Variants in ANKRD34C observed in about 807,000 individuals in gnomAD.
The protein encoded by ANKRD34C is ankyrin repeat domain-containing protein 34C.
For missense variants in ANKRD34C, 563 were observed against 653.0 expected (o/e 0.86, Z 1.50); for synonymous variants, 260 against 253.6 (o/e 1.03, Z -0.24).
chr15:79,292,091 A>G (rs1386842716), intron 1 of ANKRD34C, among the ~76,000 whole-genome samples: 1 of 152,268 alleles, frequency 6.6e-6, no homozygotes, highest in Non-Finnish European at 1.5e-5. Flanking sequence ...AAATAGCGTA[A>G]GAGAAAGAAT....
In ANKRD34C at chr15:79,293,856, T is replaced by C. The variant is rs1442137710; in HGVS notation, c.572T>C (p.Ile191Thr). 4 of 1,551,604 alleles carry C rather than the reference T, an allele frequency of 2.6e-6. No individual in the cohort carries two copies. The highest frequency in any genetic ancestry group is 1.4e-5 in the African/African-American group (1 of 73,056). Residue 191 changes from isoleucine to threonine, a missense_variant, in exon 2 of 2, where the codon ATA becomes ACA. Coordinates refer to ENST00000421388, the MANE Select transcript of ANKRD34C (RefSeq NM_001146341.2). ...CCACTGTGTGCGTCTCCCTCTGACA[T>C]AGAGCTGAAGGCTCTAGGCCTGGAC... Reference protein sequence around the residue: ...SPPLCASPSDIELKALGLDSP... With the variant: ...SPPLCASPSDTELKALGLDSP...
chr15:79,286,791 T>G (rs767790671), intron 1 of ANKRD34C, among the ~76,000 whole-genome samples: 32 of 152,180 alleles, frequency 2.1e-4, no homozygotes, highest in Non-Finnish European at 3.5e-4. Flanking sequence ...TGGTTCCCTA[T>G]GTCCACACAG....
chr15:79,283,232 AGC>A lies in ANKRD34C; in HGVS notation c.-45+7_-45+8del, dbSNP rs2058633588. On this transcript the variant is annotated splice_donor_5th_base_variant and intron_variant, in intron 1 of 1. Coordinates refer to ENST00000421388, the MANE Select transcript of ANKRD34C (RefSeq NM_001146341.2). ...GCTCGGCGATTGTCCCCACCAGGTA[AGC>A]GCACCCCCAGGGGTCTGCATTGGTC... Among the ~76,000 whole-genome samples the A allele has an allele frequency of 6.6e-6, 1 of 152,198 alleles. No homozygotes were observed. The highest frequency in any genetic ancestry group is 2.4e-5 in the African/African-American group (1 of 41,460).
At chr15:79,291,730 G>A (rs2058660398) in intron 1 of ANKRD34C, among the ~76,000 whole-genome samples, 3 of 152,128 alleles carry the variant, frequency 2.0e-5, no homozygotes, top group Admixed American at 1.3e-4. Flanking sequence ...GCCCTTGAAT[G>A]GTGGTAGTTT....
chr15:79,291,597 C>CAG lies in ANKRD34C; in HGVS notation c.-44-1643_-44-1642insGA, dbSNP rs1410785595. ...ACACACACACACACACACACACACACACACAGAGAGAGAGAGAGAGAGAGA... is the reference window on the plus strand; with the variant it reads ...ACACACACACACACACACACACACACAGACACAGAGAGAGAGAGAGAGAGAGA... On this transcript the variant is annotated intron_variant, in intron 1 of 1. Transcript: ENST00000421388. 1.1e-3 allele frequency among the ~76,000 whole-genome samples: 126 copies of CAG among 111,630 alleles called. 1 individual carries two copies. Among genetic ancestry groups the CAG allele is most frequent in the Admixed American group, 9.0e-3 (97 of 10,788 alleles). 73.2% of individuals were successfully genotyped at this position (111,630 alleles called of 152,430 possible).
In ANKRD34C at chr15:79,294,296, G is replaced by C; in HGVS notation, c.1012G>C (p.Ala338Pro). 6.4e-7 allele frequency: 1 copy of C among 1,551,680 alleles called. No individual in the cohort carries two copies. The highest frequency in any genetic ancestry group is 8.7e-7 in the Non-Finnish European group (1 of 1,147,000). ...SWKAAYEKGQ[A>P]PHPRLARRGT... ...GAAAGCAGCCTATGAGAAAGGTCAGGCTCCCCACCCACGTCTGGCCAGGAG... is the reference window on the plus strand; with the variant it reads ...GAAAGCAGCCTATGAGAAAGGTCAGCCTCCCCACCCACGTCTGGCCAGGAG... The change falls in exon 2 of 2, where the codon GCT becomes CCT. Residue 338 changes from alanine to proline, a missense_variant. Transcript: ENST00000421388.
intron 1 of ANKRD34C, among the ~76,000 whole-genome samples, chr15:79,284,941 A>G (rs1409871455): frequency 6.6e-6 from 1 of 152,252 alleles, no homozygotes; most frequent in East Asian, 1.9e-4. Flanking sequence ...TTAGACAAGT[A>G]CTATAAATAT....
At chr15:79,291,601 C>CACACACACAGAG (rs1429207880) in intron 1 of ANKRD34C, among the ~76,000 whole-genome samples, 23 of 84,000 alleles carry the variant, frequency 2.7e-4, no homozygotes, top group East Asian at 8.5e-4. Flanking sequence ...CACACACACA[C>CACACACACAGAG]AGAGAGAGAG....
rs2058632955 is a variant in ANKRD34C at position 79,283,080 on chromosome 15, C to T, written c.-193C>T. ...GGCCCGGGGTAGCCCCAGCTCCCGG[C>T]GCTGGTTCAGTCTGGCAGTGCCCTC... On this transcript the variant is annotated 5_prime_UTR_variant, in exon 1 of 2. Coordinates refer to ENST00000421388, the MANE Select transcript of ANKRD34C (RefSeq NM_001146341.2). Among the ~76,000 whole-genome samples, 2 of 152,218 alleles carry T rather than the reference C, an allele frequency of 1.3e-5. No homozygotes were observed. Among genetic ancestry groups the T allele is most frequent in the African/African-American group, 2.4e-5 (1 of 41,456 alleles).
chr15:79,295,592 C>G lies in ANKRD34C; in HGVS notation c.*700C>G, dbSNP rs554229520. ...TGATGCCTTAGAGATAAATCTTGCT[C>G]CAGAAATGAAACTTTCCCCAGACCC... On this transcript the variant is annotated 3_prime_UTR_variant, in exon 2 of 2. Transcript: ENST00000421388. 2 of 167,044 alleles carry G rather than the reference C, an allele frequency of 1.2e-5. No homozygotes were observed. The highest frequency in any genetic ancestry group is 2.4e-5 in the African/African-American group (1 of 41,422). The allele number at this position is 167,044 out of a possible 1,614,324, so 10.3% of individuals were successfully genotyped here. A position where few individuals can be genotyped will look rare whatever the true frequency, so the allele number is the denominator to read the frequency against.
At chr15:79,287,325 T>C (rs772561032) in intron 1 of ANKRD34C, among the ~76,000 whole-genome samples, 4 of 152,184 alleles carry the variant, frequency 2.6e-5, no homozygotes, top group Non-Finnish European at 5.9e-5. Flanking sequence ...ACCCACCTCA[T>C]AGTATTACTA....
At chr15:79,289,486 G>A (rs754485484) in intron 1 of ANKRD34C, among the ~76,000 whole-genome samples, 1 of 152,282 alleles carries the variant, frequency 6.6e-6, no homozygotes, top group East Asian at 1.9e-4. Flanking sequence ...GGAGGAGGCC[G>A]CTGATTCCAA....
intron 1 of ANKRD34C, among the ~76,000 whole-genome samples, chr15:79,291,827 A>G (rs1008554363): frequency 1.3e-5 from 2 of 152,204 alleles, no homozygotes; most frequent in African/African-American, 4.8e-5. Context: ...GCAGAAAGAT[A>G]CACACTAGAC....
intron 1 of ANKRD34C, among the ~76,000 whole-genome samples, chr15:79,287,464 G>A (rs2058648405): frequency 6.6e-6 from 1 of 152,090 alleles, no homozygotes; most frequent in South Asian, 2.1e-4. Flanking sequence ...TAAATACTTA[G>A]CAGCCATTCC....
chr15:79,283,570 T>TATG (rs1175961941), intron 1 of ANKRD34C: 3 of 152,048 alleles, frequency 2.0e-5, no homozygotes, highest in African/African-American at 7.3e-5. Flanking sequence ...GGTGAGAGGT[T>TATG]ATGATCCTGA....
intron 1 of ANKRD34C, among the ~76,000 whole-genome samples, chr15:79,289,557 C>T (rs530332060): frequency 6.6e-6 from 1 of 152,184 alleles, no homozygotes; most frequent in Non-Finnish European, 1.5e-5. Flanking sequence ...TTCTTCTTTG[C>T]CTCCTTTCCT....
chr15:79,289,709 T>C (rs746874390), intron 1 of ANKRD34C, among the ~76,000 whole-genome samples: 9 of 152,208 alleles, frequency 5.9e-5, no homozygotes, highest in Non-Finnish European at 1.2e-4. Flanking sequence ...TTCCTCCATC[T>C]TTTCCTTTAT....
Position 79,293,330 on chromosome 15 carries a change from T to C in ANKRD34C, c.46T>C (p.Leu16=). 1 of 1,547,334 alleles carries C rather than the reference T, an allele frequency of 6.5e-7. No individual in the cohort carries two copies. The highest frequency in any genetic ancestry group is 8.7e-7 in the Non-Finnish European group (1 of 1,144,982). The change falls in exon 2 of 2, where the codon TTA becomes CTA. Residue 16 remains leucine, a synonymous_variant. Coordinates refer to ENST00000421388, the MANE Select transcript of ANKRD34C (RefSeq NM_001146341.2). ...TELRTDGNSL[L]KAVWLGRLRL... The stretch of plus-strand genomic sequence containing the variant: ...ATTAAGGACTGATGGAAACTCTTTG[T>C]TAAAGGCTGTGTGGCTGGGGAGGCT...
Position 79,294,662 on chromosome 15 carries a change from C to G in ANKRD34C, c.1378C>G (p.Pro460Ala). ...LLLDRISHTR[P>A]GFLPPLNVNL... ...CCTTGATCGCATTTCTCACACTAGG[C>G]CTGGCTTCCTGCCGCCTTTAAATGT... The change falls in exon 2 of 2, where the codon CCT becomes GCT. Residue 460 changes from proline (P) to alanine (A), a missense_variant. Coordinates refer to ENST00000421388, the MANE Select transcript of ANKRD34C (RefSeq NM_001146341.2). 1 of 1,551,720 alleles carries G rather than the reference C, an allele frequency of 6.4e-7. No homozygotes were observed. The highest frequency in any genetic ancestry group is 1.2e-5 in the South Asian group (1 of 84,050).
Sources: gnomAD v4.1 joint callset for allele counts (sites outside exome capture counted in the v4.1 genomes callset) on GRCh38, gnomAD v4.1.1 for gene constraint, MANE v1.5 for transcripts, NCBI Gene and HGNC (gene_info 2026-07-23, HGNC 2026-07-21) for gene names.